Variants in ATXN7L1 observed in about 807,000 individuals in gnomAD.
ATXN7L1 encodes ataxin 7 like 1.
A neutral mutation model predicts 70.8 loss-of-function variants in ATXN7L1; 15 were observed. The observed-to-expected ratio is 0.21, with a 90% CI of 0.14 to 0.33. ATXN7L1 has a LOEUF of 0.33. ATXN7L1 is among the 10% of genes least tolerant of loss of function. The pLI is 1.00. For missense variants in ATXN7L1, 975 were observed against 1,097.1 expected (o/e 0.89, Z 1.57); for synonymous variants, 440 against 445.1 (o/e 0.99, Z 0.14).
chr7:105,796,606 T>C (rs1044599604), intron 2 of ATXN7L1, among the ~76,000 whole-genome samples: 2 of 152,150 alleles, frequency 1.3e-5, no homozygotes, highest in African/African-American at 4.8e-5. Context: ...CAACTGTAGT[T>C]CAAGGATATG....
At chr7:105,812,190 T>C (rs1257355325) in intron 2 of ATXN7L1, among the ~76,000 whole-genome samples, 2 of 152,188 alleles carry the variant, frequency 1.3e-5, no homozygotes, top group Non-Finnish European at 2.9e-5. Context: ...ACCAGCTCCC[T>C]GGCACAGAGC....
chr7:105,797,031 T>A (rs906147214), intron 2 of ATXN7L1, among the ~76,000 whole-genome samples: 2 of 152,150 alleles, frequency 1.3e-5, no homozygotes, highest in African/African-American at 4.8e-5. Flanking sequence ...CAGTGAAATC[T>A]GCAAAGGGAA....
chr7:105,837,948 C>T (rs1351906777), intron 2 of ATXN7L1, among the ~76,000 whole-genome samples: 2 of 152,266 alleles, frequency 1.3e-5, no homozygotes, highest in East Asian at 1.9e-4. Context: ...AAGCAGGAGT[C>T]GGGCTGCACA....
At chr7:105,781,816 A>G (rs1354638087) in intron 3 of ATXN7L1, among the ~76,000 whole-genome samples, 1 of 152,154 alleles carries the variant, frequency 6.6e-6, no homozygotes, top group Non-Finnish European at 1.5e-5. Context: ...CACAGGGAAT[A>G]AGGTGCAGAG....
At chr7:105,709,651 A>T (rs1214700652) in intron 3 of ATXN7L1, among the ~76,000 whole-genome samples, 17 of 151,984 alleles carry the variant, frequency 1.1e-4, no homozygotes, top group Admixed American at 1.1e-3. Flanking sequence ...GAACTGGGTT[A>T]CTCTGCCTAG....
rs1278139427 is a variant in ATXN7L1, at chr7:105,610,621, A to G, written c.2473-18T>C. ...TTCCCAACCTGAAAGACACCATTGA[A>G]GCCCCACTCAGACACACGAGCCAGC... On this transcript the variant is annotated intron_variant, in intron 10 of 11. Coordinates refer to ENST00000419735, the MANE Select transcript of ATXN7L1 (RefSeq NM_020725.2). 1 of 1,549,854 alleles carries G rather than the reference A, an allele frequency of 6.5e-7. No individual in the cohort carries two copies.
chr7:105,725,689 T>A (rs1795725430), intron 3 of ATXN7L1, among the ~76,000 whole-genome samples: 1 of 151,804 alleles, frequency 6.6e-6, no homozygotes, highest in Admixed American at 6.6e-5. Flanking sequence ...CAAGTGATTC[T>A]CGTGTTTCAG....
chr7:105,855,770 T>G (rs1379515076), intron 2 of ATXN7L1, among the ~76,000 whole-genome samples: 1 of 152,184 alleles, frequency 6.6e-6, no homozygotes, highest in East Asian at 1.9e-4. Context: ...TGTACAGACC[T>G]TTTCCTCTTG....
chr7:105,668,714 G>T (rs548220921), intron 3 of ATXN7L1, among the ~76,000 whole-genome samples: 1 of 152,240 alleles, frequency 6.6e-6, no homozygotes, highest in South Asian at 2.1e-4. Context: ...GAGCCACTGC[G>T]CCTGGCCCCG....
At position 105,727,727 on chromosome 7, in the gene ATXN7L1, G is replaced by GGT. The variant is rs1269687539; in HGVS notation, c.355+60875_355+60876dup. Among the ~76,000 whole-genome samples, 65 of 75,608 alleles carry GGT rather than the reference G, an allele frequency of 8.6e-4. 1 individual carries two copies. The highest frequency in any genetic ancestry group is 3.8e-3 in the African/African-American group (59 of 15,444). The allele number at this position is 75,608 out of a possible 152,430, so 49.6% of individuals were successfully genotyped here. A position where few individuals can be genotyped will look rare whatever the true frequency, so the allele number is the denominator to read the frequency against. ...GGAATACTAGATATTTTTCCATAGG[G>GGT]GTGTGTGTGTGTATGTGTGTATATA... On this transcript the variant is annotated intron_variant, in intron 3 of 11. Transcript: ENST00000419735.
At chr7:105,806,705 G>C (rs1807672320) in intron 2 of ATXN7L1, among the ~76,000 whole-genome samples, 1 of 151,966 alleles carries the variant, frequency 6.6e-6, no homozygotes, top group African/African-American at 2.4e-5. Context: ...GAGGGAAGGG[G>C]CCAGTGAAGG....
intron 2 of ATXN7L1, among the ~76,000 whole-genome samples, chr7:105,841,103 C>A (rs1346678302): frequency 6.6e-6 from 1 of 152,188 alleles, no homozygotes; most frequent in Non-Finnish European, 1.5e-5. Flanking sequence ...GAGCTTTGTG[C>A]GTGCTGCACA....
intron 2 of ATXN7L1, among the ~76,000 whole-genome samples, chr7:105,816,024 A>T (rs1310270299): frequency 6.6e-6 from 1 of 152,218 alleles, no homozygotes; most frequent in East Asian, 1.9e-4. Context: ...CTAGTGAATA[A>T]TATTTAAATC....
At chr7:105,611,313 T>C (rs187847684) in intron 10 of ATXN7L1, among the ~76,000 whole-genome samples, 4 of 152,346 alleles carry the variant, frequency 2.6e-5, no homozygotes, top group Admixed American at 1.3e-4. Flanking sequence ...TGAACTTTCA[T>C]CCTATAAACC....
At chr7:105,834,080 T>C (rs938882615) in intron 2 of ATXN7L1, among the ~76,000 whole-genome samples, 6 of 152,256 alleles carry the variant, frequency 3.9e-5, no homozygotes, top group Admixed American at 6.5e-5. Flanking sequence ...TCTCACTCTA[T>C]TGCCCAGGCT....
chr7:105,836,133 G>A (rs936066751), intron 2 of ATXN7L1, among the ~76,000 whole-genome samples: 1 of 152,184 alleles, frequency 6.6e-6, no homozygotes, highest in Non-Finnish European at 1.5e-5. Context: ...CCCCAAACCA[G>A]GAGGGCTGGG....
intron 2 of ATXN7L1, among the ~76,000 whole-genome samples, chr7:105,853,415 G>C (rs777885650): frequency 6.6e-6 from 1 of 152,136 alleles, no homozygotes; most frequent in African/African-American, 2.4e-5. Context: ...TAGGCTGGGC[G>C]TGGTGGCAGG....
intron 2 of ATXN7L1, chr7:105,820,042 G>A (rs1428835859): frequency 2.7e-5 from 11 of 410,572 alleles, no homozygotes; most frequent in Non-Finnish European, 4.7e-6. Context: ...TGAAAAGAAC[G>A]TGGAGAAGAA....
chr7:105,654,907 A>ATTTTTTTT (rs201109400), intron 4 of ATXN7L1, among the ~76,000 whole-genome samples: 1 of 140,908 alleles, frequency 7.1e-6, no homozygotes, highest in Non-Finnish European at 1.5e-5. Context: ...CGCCTGGCTA[A>ATTTTTTTT]TTTTTTTTTT....
Sources: allele counts gnomAD v4.1 joint callset (sites outside exome capture counted in the v4.1 genomes callset), GRCh38; gene constraint gnomAD v4.1.1; transcripts MANE v1.5; gene names NCBI Gene and HGNC (gene_info 2026-07-23, HGNC 2026-07-21).